Variants in NBAS observed in about 807,000 individuals in gnomAD.
The protein encoded by NBAS is NBAS subunit of NRZ tethering complex.
In NBAS, 219 loss-of-function variants were observed where a neutral mutation model predicts 302.5. The ratio of observed to expected loss-of-function variants is 0.72; its 90% CI spans 0.65 to 0.81. The LOEUF is 0.81. NBAS is among the 30% of genes least tolerant of loss of function. The pLI, the probability that NBAS is intolerant of heterozygous loss-of-function variation, is 0.00. For synonymous variants in NBAS, 1,118 were observed against 1,021.6 expected (o/e 1.09, Z -1.80); for missense variants, 2,932 against 2,841.6 (o/e 1.03, Z -0.72).
At chr2:15,382,565 C>T (rs746954559) in intron 29 of NBAS, among the ~76,000 whole-genome samples, 14 of 152,066 alleles carry the variant, frequency 9.2e-5, no homozygotes, top group African/African-American at 1.9e-4. Context: ...AAGGGAACAA[C>T]GTGTGCAAAG....
intron 48 of NBAS, among the ~76,000 whole-genome samples, chr2:15,211,756 C>T (rs1666421320): frequency 6.6e-6 from 1 of 152,046 alleles, no homozygotes; most frequent in Non-Finnish European, 1.5e-5. Flanking sequence ...AAAAGAGTAC[C>T]CAGAGATGGT....
intron 40 of NBAS, among the ~76,000 whole-genome samples, chr2:15,298,011 T>C (rs1001261787): frequency 2.0e-5 from 3 of 152,160 alleles, no homozygotes; most frequent in African/African-American, 7.2e-5. Flanking sequence ...TTAAACTCCC[T>C]GAAATAAATA....
the NBAS span, among the ~76,000 whole-genome samples, chr2:14,969,575 C>T: frequency 1.1e-3 from 160 of 152,172 alleles, no homozygotes; most frequent in Middle Eastern, 3.4e-3. Context: ...CGGGGTTTCA[C>T]CATGTTGGCC....
At chr2:15,365,134 A>C (rs1427586414) in intron 32 of NBAS, among the ~76,000 whole-genome samples, 1 of 152,210 alleles carries the variant, frequency 6.6e-6, no homozygotes, top group East Asian at 1.9e-4. Flanking sequence ...AGAGGGCAGC[A>C]GCTATGTGTA....
chr2:14,878,261 G>A, the NBAS span, among the ~76,000 whole-genome samples: 2 of 152,180 alleles, frequency 1.3e-5, no homozygotes, highest in African/African-American at 2.4e-5. Flanking sequence ...GAGCACACCT[G>A]AAGAGAGGAA....
chr2:15,540,958 A>C (rs1268463515), intron 6 of NBAS, among the ~76,000 whole-genome samples: 1 of 151,968 alleles, frequency 6.6e-6, no homozygotes, highest in African/African-American at 2.4e-5. Flanking sequence ...TCCTGACCTC[A>C]AGTAATCCGC....
intron 51 of NBAS, among the ~76,000 whole-genome samples, chr2:15,176,174 G>T (rs10929346): frequency 0.58 from 88,733 of 151,742 alleles, 28,920 homozygotes; most frequent in African/African-American, 0.86. Flanking sequence ...ACGTGAGTCG[G>T]GCCAAAATGC....
the NBAS span, among the ~76,000 whole-genome samples, chr2:15,002,420 C>T: frequency 6.8e-6 from 1 of 147,594 alleles, no homozygotes; most frequent in Admixed American, 6.6e-5. Context: ...ACGTCCCCAC[C>T]AGACTCAGGA....
At chr2:15,020,223 G>A in the NBAS span, among the ~76,000 whole-genome samples, 1 of 152,202 alleles carries the variant, frequency 6.6e-6, no homozygotes, top group South Asian at 2.1e-4. Flanking sequence ...TGAAGATAAA[G>A]AGGGCAAGAC....
chr2:14,963,341 T>C, the NBAS span, among the ~76,000 whole-genome samples: 8 of 152,208 alleles, frequency 5.3e-5, no homozygotes, highest in Non-Finnish European at 1.2e-4. Flanking sequence ...CGTTTAAATA[T>C]TAGCTAGCTG....
At position 15,355,511 on chromosome 2, in the gene NBAS, T is replaced by C. The variant is rs533567953; in HGVS notation, c.3931+792A>G. On this transcript the variant is annotated intron_variant, in intron 33 of 51. Coordinates refer to ENST00000281513, the MANE Select transcript of NBAS (RefSeq NM_015909.4). ...TCGGTTTGAAAAGCACTATGCTATC[T>C]GATACGGTTTGGATCTGTGTCCCCA... 4.1e-4 allele frequency among the ~76,000 whole-genome samples: 62 copies of C among 152,312 alleles called. No individual in the cohort carries two copies. In the South Asian group the frequency reaches 9.7e-3, roughly 24 times the overall value.
the NBAS span, among the ~76,000 whole-genome samples, chr2:14,994,266 A>G: frequency 6.6e-6 from 1 of 152,250 alleles, no homozygotes; most frequent in Admixed American, 6.5e-5. Flanking sequence ...TTTCAGATGT[A>G]CCTTGAAAGA....
the NBAS span, among the ~76,000 whole-genome samples, chr2:15,100,997 T>C: frequency 2.0e-5 from 3 of 152,214 alleles, no homozygotes; most frequent in Non-Finnish European, 4.4e-5. Flanking sequence ...ATCAGGAAGA[T>C]GGAAATTTAC....
intron 44 of NBAS, among the ~76,000 whole-genome samples, chr2:15,261,394 C>T (rs566816532): frequency 6.6e-6 from 1 of 151,324 alleles, no homozygotes; most frequent in East Asian, 1.9e-4. Context: ...TTTTGCTTTA[C>T]TAAAGCTAAT....
At chr2:14,874,964 AG>A in the NBAS span, among the ~76,000 whole-genome samples, 1 of 152,128 alleles carries the variant, frequency 6.6e-6, no homozygotes, top group African/African-American at 2.4e-5. Flanking sequence ...CATTCATGAT[AG>A]AAACTGAGAG....
At chr2:14,821,169 GC>G in the NBAS span, among the ~76,000 whole-genome samples, 5 of 151,950 alleles carry the variant, frequency 3.3e-5, no homozygotes, top group African/African-American at 1.2e-4. Flanking sequence ...CTCGTGATCC[GC>G]CCGCCTCGCC....
the NBAS span, among the ~76,000 whole-genome samples, chr2:15,044,429 A>C: frequency 1.6e-4 from 25 of 152,246 alleles, no homozygotes; most frequent in Non-Finnish European, 3.5e-4. Flanking sequence ...GAACAGCAAA[A>C]CCTATTAATG....
chr2:14,873,026 C>T, the NBAS span, among the ~76,000 whole-genome samples: 9 of 152,198 alleles, frequency 5.9e-5, no homozygotes, highest in East Asian at 1.2e-3. Context: ...AAAAGTTCCA[C>T]GTGCGGAAGG....
At chr2:15,382,315 T>C (rs962114146) in intron 29 of NBAS, among the ~76,000 whole-genome samples, 5 of 152,196 alleles carry the variant, frequency 3.3e-5, no homozygotes, top group African/African-American at 1.2e-4. Context: ...TTACGTATCC[T>C]TTATATTCCA....
Sources: allele counts gnomAD v4.1 joint callset (sites outside exome capture counted in the v4.1 genomes callset), GRCh38; gene constraint gnomAD v4.1.1; transcripts MANE v1.5; gene names NCBI Gene and HGNC (gene_info 2026-07-23, HGNC 2026-07-21).